ANK3: variants seen among roughly 807,000 people sequenced by gnomAD.
The protein encoded by ANK3 is ankyrin-3.
Under a neutral mutation model 370.9 loss-of-function variants are expected in ANK3, and 57 were observed. The ratio of observed to expected loss-of-function variants is 0.15; its 90% CI spans 0.12 to 0.19. The LOEUF (loss-of-function observed/expected upper bound fraction) is 0.19, where lower values mean the gene tolerates loss of function less well. Among genes scored for constraint, ANK3 ranks in the 10% least tolerant of loss-of-function variants. ANK3 has a pLI of 1.00. For missense variants in ANK3, 4,439 were observed against 5,302.1 expected (o/e 0.84, Z 5.06); for synonymous variants, 1,929 against 1,946.3 (o/e 0.99, Z 0.23).
chr10:60,068,671 C>A lies in ANK3; in HGVS notation c.12210G>T (p.Lys4070Asn). The change falls in exon 37 of 44, where the codon AAG (lysine) becomes AAT (asparagine). Residue 4070 changes from lysine to asparagine, a missense_variant. By Grantham distance (94) the Lys-to-Asn change is moderately conservative (BLOSUM62 0). Coordinates refer to ENST00000280772, the MANE Select transcript of ANK3 (RefSeq NM_020987.5). ...TACTGCTCCTTTTCTCACTGCCGGC[C>A]TTTTCACTCTTTGATTTTAAAGGTG... ...EAAPLKSKSE[K>N]AGSEKRSSRR... is the part of the protein sequence containing the mutation. 5.0e-6 allele frequency: 8 copies of A among 1,612,676 alleles called. No homozygotes were observed. Among genetic ancestry groups the A allele is most frequent in the Non-Finnish European group, 8.5e-7 (1 of 1,179,076 alleles).
At chr10:60,302,696 A>G (rs993557472) in intron 1 of ANK3, among the ~76,000 whole-genome samples, 3 of 152,240 alleles carry the variant, frequency 2.0e-5, no homozygotes, top group Non-Finnish European at 4.4e-5. Flanking sequence ...TGACTACCAT[A>G]GTATTTTAAA....
intron 1 of ANK3, among the ~76,000 whole-genome samples, chr10:60,337,164 G>A (rs906337392): frequency 6.6e-6 from 1 of 152,168 alleles, no homozygotes; most frequent in Admixed American, 6.5e-5. Context: ...CTTCGCTTTG[G>A]TTATGAAACA....
chr10:60,352,795 A>G (rs2057093801), intron 1 of ANK3, among the ~76,000 whole-genome samples: 1 of 152,178 alleles, frequency 6.6e-6, no homozygotes, highest in African/African-American at 2.4e-5. Context: ...TAAAATTTGA[A>G]GACTCAAGGA....
intron 2 of ANK3, among the ~76,000 whole-genome samples, chr10:60,552,974 G>T (rs573464430): frequency 1.6e-4 from 24 of 152,208 alleles, no homozygotes; most frequent in South Asian, 2.1e-4. Flanking sequence ...GCTCCTCCTT[G>T]CCTTCCACCA....
chr10:60,127,075 T>C (rs563424461), intron 25 of ANK3, among the ~76,000 whole-genome samples: 3 of 152,236 alleles, frequency 2.0e-5, no homozygotes, highest in African/African-American at 4.8e-5. Flanking sequence ...GTAGGAATCA[T>C]TGGTCTTCAC....
At chr10:60,432,614 G>A (rs888868763) in intron 2 of ANK3, among the ~76,000 whole-genome samples, 2 of 152,150 alleles carry the variant, frequency 1.3e-5, no homozygotes, top group Non-Finnish European at 2.9e-5. Context: ...AAATAATGAT[G>A]ACAAAATAAT....
chr10:60,053,711 G>A lies in ANK3; in HGVS notation c.13065+1947C>T, dbSNP rs556456401. 1.5e-5 allele frequency: 20 copies of A among 1,303,686 alleles called. 1 individual carries two copies. The Admixed American group carries it at 1.6e-4, about 10-fold the overall frequency. 80.8% of individuals were successfully genotyped at this position (1,303,686 alleles called of 1,614,324 possible). ...GCAGGCAGTCATCCGTGTAGGAGCCGCACCCGGACTTTTGACCTGATTTTT... is the reference window on the plus strand; with the variant it reads ...GCAGGCAGTCATCCGTGTAGGAGCCACACCCGGACTTTTGACCTGATTTTT... On this transcript the variant is annotated intron_variant, in intron 42 of 43. Coordinates refer to ENST00000280772, the MANE Select transcript of ANK3 (RefSeq NM_020987.5).
chr10:60,307,816 T>C (rs1279432546), intron 1 of ANK3, among the ~76,000 whole-genome samples: 1 of 152,228 alleles, frequency 6.6e-6, no homozygotes, highest in Non-Finnish European at 1.5e-5. Context: ...AAAGCATTAA[T>C]ATCCTCTCTA....
At chr10:60,033,959 A>G (rs2074304943) in intron 43 of ANK3, among the ~76,000 whole-genome samples, 2 of 152,176 alleles carry the variant, frequency 1.3e-5, no homozygotes, top group Admixed American at 6.5e-5. Context: ...TTAAAACTCG[A>G]TAATTTGAGA....
At chr10:60,119,600 C>T (rs532237661) in intron 25 of ANK3, among the ~76,000 whole-genome samples, 2 of 152,172 alleles carry the variant, frequency 1.3e-5, no homozygotes, top group African/African-American at 4.8e-5. Flanking sequence ...AACCCCATAT[C>T]TATTAAAAAT....
intron 26 of ANK3, among the ~76,000 whole-genome samples, chr10:60,111,501 A>G (rs910535388): frequency 6.6e-6 from 1 of 152,230 alleles, no homozygotes; most frequent in Admixed American, 6.5e-5. Flanking sequence ...AACATAACTT[A>G]TAGAACAAAT....
chr10:60,395,880 G>C (rs1164249855), intron 2 of ANK3, among the ~76,000 whole-genome samples: 3 of 152,084 alleles, frequency 2.0e-5, no homozygotes, highest in Non-Finnish European at 2.9e-5. Context: ...ACAGAAGCAG[G>C]GATGGGGTAA....
intron 1 of ANK3, among the ~76,000 whole-genome samples, chr10:60,732,192 C>A (rs574114875): frequency 1.8e-4 from 28 of 152,090 alleles, no homozygotes; most frequent in African/African-American, 5.5e-4. Context: ...AAAAAAAAAA[C>A]CAAAAGTCCT....
chr10:60,102,593 C>G (rs1351126831), intron 28 of ANK3, among the ~76,000 whole-genome samples: 1 of 152,118 alleles, frequency 6.6e-6, no homozygotes, highest in Non-Finnish European at 1.5e-5. Context: ...CTTCTCTTTC[C>G]CAGGAGTTAT....
chr10:60,032,871 G>T (rs2074017319), intron 43 of ANK3, among the ~76,000 whole-genome samples: 1 of 152,166 alleles, frequency 6.6e-6, no homozygotes, highest in Admixed American at 6.5e-5. Context: ...TTTACACCAA[G>T]TACAATGTTG....
chr10:60,417,008 G>T (rs2063683011), intron 2 of ANK3, among the ~76,000 whole-genome samples: 1 of 152,166 alleles, frequency 6.6e-6, no homozygotes, highest in African/African-American at 2.4e-5. Flanking sequence ...CTAAAGGGAA[G>T]AAGATGGTGG....
intron 2 of ANK3, among the ~76,000 whole-genome samples, chr10:60,578,299 AC>A (rs2077707194): frequency 6.6e-6 from 1 of 152,056 alleles, no homozygotes; most frequent in African/African-American, 2.4e-5. Context: ...ACTTCCTTGA[AC>A]CTTTGCATTT....
In ANK3 at chr10:60,667,213, TTATATTAATTATATTGAA is replaced by T. The variant is rs2079009106; in HGVS notation, c.58-52007_58-51990del. On this transcript the variant is annotated intron_variant, in intron 1 of 43. Coordinates refer to the ANK3 transcript ENST00000373827. ...TTATATTATATTATATTATATTATA[TTATATTAATTATATTGAA>T]TTGAAGAAAAGTGTAAGAGCCACCC... is the stretch of plus-strand genomic sequence containing the variant. Among the ~76,000 whole-genome samples, 18 of 118,960 alleles carry T rather than the reference TTATATTAATTATATTGAA, an allele frequency of 1.5e-4. 1 individual carries two copies. In the South Asian group the frequency reaches 2.0e-3, roughly 14 times the overall value. The allele number at this position is 118,960 out of a possible 152,430, so 78.0% of individuals were successfully genotyped here. A position where few individuals can be genotyped will look rare whatever the true frequency, so the allele number is the denominator to read the frequency against.
intron 1 of ANK3, among the ~76,000 whole-genome samples, chr10:60,324,877 A>G (rs1014546178): frequency 1.3e-5 from 2 of 152,182 alleles, no homozygotes; most frequent in Non-Finnish European, 2.9e-5. Context: ...TGTTTAATAA[A>G]TATTTGGTGA....
Sources: allele counts gnomAD v4.1 joint callset (sites outside exome capture counted in the v4.1 genomes callset), GRCh38; gene constraint gnomAD v4.1.1; transcripts MANE v1.5; gene names NCBI Gene and HGNC (gene_info 2026-07-23, HGNC 2026-07-21).